Variants in ABLIM1 observed in about 807,000 individuals in gnomAD.
The protein encoded by ABLIM1 is actin-binding LIM protein 1.
Under a neutral mutation model 107.0 loss-of-function variants are expected in ABLIM1, and 40 were observed. The observed-to-expected ratio is 0.37, with a 90% CI of 0.29 to 0.49. ABLIM1 has a LOEUF of 0.49. ABLIM1 is among the 20% of genes least tolerant of loss of function. The pLI, the probability that ABLIM1 is intolerant of heterozygous loss-of-function variation, is 0.97. For synonymous variants in ABLIM1, 357 were observed against 357.3 expected, an observed-to-expected ratio of 1.00 and a Z score of 0.01; for missense variants, 857 against 1,008.5, an observed-to-expected ratio of 0.85 and a Z score of 2.04.
intron 21 of ABLIM1, 57 bp downstream of exon 21, chr10:114,439,119 A>G: frequency 6.3e-7 from 1 of 1,589,374 alleles, no homozygotes; most frequent in Non-Finnish European, 8.6e-7. Context: ...TAGAACATCA[A>G]ATCTGTTTAG....
intron 1 of ABLIM1, among the ~76,000 whole-genome samples, chr10:114,625,871 G>A (rs2077758431): frequency 6.6e-6 from 1 of 152,162 alleles, no homozygotes; most frequent in African/African-American, 2.4e-5. Context: ...CTATTAGGGG[G>A]AAGATACTAC....
chr10:114,439,668 G>A, intron 20 of ABLIM1: 1 of 359,450 alleles, frequency 2.8e-6, no homozygotes, highest in Non-Finnish European at 5.1e-6. Flanking sequence ...GGAATGTCAT[G>A]AGGGCAAACT....
chr10:114,574,340 C>T (rs1468830150), intron 3 of ABLIM1, among the ~76,000 whole-genome samples: 1 of 152,212 alleles, frequency 6.6e-6, no homozygotes, highest in Non-Finnish European at 1.5e-5. Context: ...AGTTTTATAA[C>T]ATGCAGACCT....
chr10:114,588,020 A>G (rs1279946923), intron 2 of ABLIM1, among the ~76,000 whole-genome samples: 1 of 152,202 alleles, frequency 6.6e-6, no homozygotes, highest in Non-Finnish European at 1.5e-5. Context: ...TAATATCCCT[A>G]TGAAGGCAGA....
intron 1 of ABLIM1, among the ~76,000 whole-genome samples, chr10:114,664,451 G>A (rs2079928313): frequency 6.6e-6 from 1 of 152,068 alleles, no homozygotes; most frequent in Non-Finnish European, 1.5e-5. Flanking sequence ...AAGTTTGGGG[G>A]TTTGGCTTAG....
chr10:114,497,661 AAC>A (rs1384789809), intron 6 of ABLIM1, among the ~76,000 whole-genome samples: 6 of 127,252 alleles, frequency 4.7e-5, no homozygotes, highest in Middle Eastern at 5.7e-3. Context: ...CAGCCTGGGC[AAC>A]AGAGCCGGAT....
upstream of ABLIM1, chr10:114,658,412 AC>A: frequency 2.4e-6 from 2 of 832,956 alleles, no homozygotes; most frequent in Non-Finnish European, 3.3e-6. Flanking sequence ...AACAGCCACT[AC>A]CAGGAACTCG....
Position 114,741,114 on chromosome 10 carries a change from G to T in ABLIM1, c.-213+26947C>A, listed in dbSNP as rs536110529. ...GATACATAGACTGAAAATCAGGGAA[G>T]ATACTGTCTTAAGTACTTCGGAAAC... On this transcript the variant is annotated intron_variant, in intron 1 of 15. Coordinates refer to the ABLIM1 transcript ENST00000651092. 5.3e-5 allele frequency among the ~76,000 whole-genome samples: 8 copies of T among 149,936 alleles called. No homozygotes were observed. In the South Asian group the frequency reaches 1.7e-3, roughly 32 times the overall value.
intron 1 of ABLIM1, among the ~76,000 whole-genome samples, chr10:114,651,360 T>G (rs11196831): frequency 0.082 from 12,427 of 152,096 alleles, 987 homozygotes; most frequent in East Asian, 0.45. Flanking sequence ...GAGGATGCTA[T>G]GAAAACACAG....
At chr10:114,580,633 G>A (rs1323439688) in intron 2 of ABLIM1, among the ~76,000 whole-genome samples, 2 of 152,044 alleles carry the variant, frequency 1.3e-5, no homozygotes, top group Non-Finnish European at 2.9e-5. Context: ...TATACTTTTT[G>A]AAAATTATAC....
At chr10:114,800,188 T>G in the ABLIM1 span, among the ~76,000 whole-genome samples, 1 of 152,184 alleles carries the variant, frequency 6.6e-6, no homozygotes, top group Non-Finnish European at 1.5e-5. Flanking sequence ...TACCTGATGG[T>G]AAGATCCTGT....
At chr10:114,504,453 G>A (rs2060856174) in intron 6 of ABLIM1, among the ~76,000 whole-genome samples, 1 of 152,112 alleles carries the variant, frequency 6.6e-6, no homozygotes, top group African/African-American at 2.4e-5. Flanking sequence ...ACAGTTTAAA[G>A]TAAGTATTCT....
chr10:114,748,124 C>G (rs556860777), intron 1 of ABLIM1, among the ~76,000 whole-genome samples: 17 of 152,088 alleles, frequency 1.1e-4, no homozygotes, highest in Non-Finnish European at 2.4e-4. Context: ...AAAAAAATCA[C>G]AAACCATAAG....
chr10:114,465,959 G>A (rs2065060124), intron 11 of ABLIM1, 132 bp from the exon 12 acceptor site: 2 of 1,092,150 alleles, frequency 1.8e-6, no homozygotes, highest in African/African-American at 1.6e-5. Flanking sequence ...TTATTTTTAT[G>A]TGCAAATTTT....
intron 2 of ABLIM1, among the ~76,000 whole-genome samples, chr10:114,593,471 CATT>C (rs1314898945): frequency 1.2e-4 from 19 of 152,248 alleles, no homozygotes; most frequent in African/African-American, 4.6e-4. Context: ...CTTGGGGCAA[CATT>C]AGTAGGCTAG....
intron 6 of ABLIM1, among the ~76,000 whole-genome samples, chr10:114,513,701 A>G (rs1280044392): frequency 1.3e-5 from 2 of 152,196 alleles, no homozygotes; most frequent in East Asian, 3.9e-4. Flanking sequence ...GGAATGAAAG[A>G]ACCACCAAAT....
intron 1 of ABLIM1, among the ~76,000 whole-genome samples, chr10:114,703,603 A>G (rs895166884): frequency 6.6e-6 from 1 of 152,208 alleles, no homozygotes; most frequent in Non-Finnish European, 1.5e-5. Flanking sequence ...TCTCTTAAAG[A>G]CTACAAGTGG....
At chr10:114,632,590 T>C in intron 1 of ABLIM1, 1 of 985,426 alleles carries the variant, frequency 1.0e-6, no homozygotes, top group Non-Finnish European at 1.2e-6. Context: ...CTCCCCGCTA[T>C]AATTTACCTG....
chr10:114,684,765 A>G lies in ABLIM1; in HGVS notation c.-412T>C, dbSNP rs986476473. The G allele has an allele frequency of 3.1e-6, 3 of 979,860 alleles. No individual in the cohort carries two copies. In the African/African-American group the frequency reaches 5.2e-5, roughly 17 times the overall value. The allele number at this position is 979,860 out of a possible 1,614,324, so 60.7% of individuals were successfully genotyped here. On this transcript the variant is annotated 5_prime_UTR_variant, in exon 1 of 24. Coordinates refer to the ABLIM1 transcript ENST00000369256. Reference sequence around the variant, plus strand: ...ACAATCCAGAATCCAGATTTTGATCACTATCATTTCACAATAACTGAAACA... The same window carrying G: ...ACAATCCAGAATCCAGATTTTGATCGCTATCATTTCACAATAACTGAAACA...
Sources: gnomAD v4.1 joint callset for allele counts (sites outside exome capture counted in the v4.1 genomes callset) on GRCh38, gnomAD v4.1.1 for gene constraint, MANE v1.5 for transcripts, NCBI Gene and HGNC (gene_info 2026-07-23, HGNC 2026-07-21) for gene names.